Variants in FBXL5 observed in about 807,000 individuals in gnomAD.
FBXL5 encodes F-box and leucine rich repeat protein 5.
A neutral mutation model predicts 78.3 loss-of-function variants in FBXL5; 26 were observed. The ratio of observed to expected loss-of-function variants is 0.33; its 90% CI spans 0.24 to 0.46. The LOEUF (loss-of-function observed/expected upper bound fraction) is 0.46, where lower values mean the gene tolerates loss of function less well. FBXL5 is among the 20% of genes least tolerant of loss of function. The probability of loss-of-function intolerance (pLI) is 1.00; values close to 1 mark genes in which losing one functional copy is unlikely to be tolerated. For synonymous variants in FBXL5, 295 were observed against 282.5 expected (o/e 1.04, Z -0.45); for missense variants, 710 against 829.2 (o/e 0.86, Z 1.77).
chr4:15,679,760 T>TC (rs1329834067), intron 1 of FBXL5, among the ~76,000 whole-genome samples: 2 of 147,620 alleles, frequency 1.4e-5, no homozygotes, highest in African/African-American at 4.9e-5. Context: ...TTCTTTCCAA[T>TC]CCCCCTAAAA....
intron 9 of FBXL5, among the ~76,000 whole-genome samples, chr4:15,614,140 G>C (rs1157740797): frequency 6.6e-6 from 1 of 152,216 alleles, no homozygotes; most frequent in Non-Finnish European, 1.5e-5. Flanking sequence ...TTCCCTTGAT[G>C]TGATGCTCTC....
chr4:15,649,311 G>T (rs1715677835), intron 1 of FBXL5, among the ~76,000 whole-genome samples: 1 of 152,064 alleles, frequency 6.6e-6, no homozygotes, highest in South Asian at 2.1e-4. Context: ...CGGGCACAGT[G>T]GTTCACGCCT....
At chr4:15,628,832 T>G (rs950703251) in intron 6 of FBXL5, among the ~76,000 whole-genome samples, 1 of 151,608 alleles carries the variant, frequency 6.6e-6, no homozygotes, top group Non-Finnish European at 1.5e-5. Flanking sequence ...AGATAAAAAT[T>G]ACTTTAGTGA....
chr4:15,681,515 C>G (rs1371226978), exon 1 of FBXL5: 1 of 159,504 alleles, frequency 6.3e-6, no homozygotes, highest in Admixed American at 6.5e-5. Flanking sequence ...TACATCCGGC[C>G]CGCCCACCAG....
chr4:15,615,651 A>G (rs912140101), intron 9 of FBXL5, among the ~76,000 whole-genome samples: 13 of 149,358 alleles, frequency 8.7e-5, no homozygotes, highest in Admixed American at 2.7e-4. Flanking sequence ...GACACTCTGT[A>G]TCTAGCTGCT....
chr4:15,641,440 A>C lies in FBXL5; in HGVS notation c.301-557T>G, dbSNP rs115383304. 3.7e-3 allele frequency: 1,329 copies of C among 358,064 alleles called. 25 individuals are homozygous for C. Among genetic ancestry groups the C allele is most frequent in the African/African-American group, 0.028 (1,215 of 42,696 alleles). 22.2% of individuals were successfully genotyped at this position (358,064 alleles called of 1,614,324 possible). A position where few individuals can be genotyped will look rare whatever the true frequency, so the allele number is the denominator to read the frequency against. Reference sequence around the variant, plus strand: ...GACAATGAGGATAAAGACATTTATGATGATCCACTTCCACTTAATAAATAG... The same window carrying C: ...GACAATGAGGATAAAGACATTTATGCTGATCCACTTCCACTTAATAAATAG... On this transcript the variant is annotated intron_variant, in intron 2 of 10. Transcript: ENST00000341285.
At position 15,638,396 on chromosome 4, in the gene FBXL5, C is replaced by G. The variant is rs549473861; in HGVS notation, c.583+112G>C. Reference sequence around the variant, plus strand: ...CATGAAAATAATGCCTTTAACTGACCACAGTGCAGGCCTAACTTGAATTAT... The same window carrying G: ...CATGAAAATAATGCCTTTAACTGACGACAGTGCAGGCCTAACTTGAATTAT... On this transcript the variant is annotated intron_variant, in intron 4 of 10. Coordinates refer to ENST00000341285, the MANE Select transcript of FBXL5 (RefSeq NM_012161.4). 16 of 612,244 alleles carry G rather than the reference C, an allele frequency of 2.6e-5. No homozygotes were observed. The East Asian group carries it at 4.4e-4, about 17-fold the overall frequency. The allele number at this position is 612,244 out of a possible 1,614,324, so 37.9% of individuals were successfully genotyped here.
chr4:15,646,831 A>T (rs1234194944), intron 1 of FBXL5, among the ~76,000 whole-genome samples: 1 of 151,854 alleles, frequency 6.6e-6, no homozygotes, highest in East Asian at 1.9e-4. Flanking sequence ...TTTGCTGAGA[A>T]TGATGGTTTC....
chr4:15,649,568 G>C (rs1577477583), intron 1 of FBXL5, among the ~76,000 whole-genome samples: 1 of 106,000 alleles, frequency 9.4e-6, no homozygotes, highest in Admixed American at 1.3e-4. Flanking sequence ...GACAGGGCAA[G>C]ACTACGTCTC....
At chr4:15,667,209 A>T (rs551293140) in intron 1 of FBXL5, among the ~76,000 whole-genome samples, 1 of 152,218 alleles carries the variant, frequency 6.6e-6, no homozygotes, top group South Asian at 2.1e-4. Flanking sequence ...CTTTCACTAA[A>T]CAGCCACATG....
At chr4:15,662,694 A>G (rs1717368423), upstream of FBXL5, among the ~76,000 whole-genome samples, 1 of 152,218 alleles carries the variant, frequency 6.6e-6, no homozygotes, top group African/African-American at 2.4e-5. Flanking sequence ...TTCTAGAGGT[A>G]GTTAAAATTG....
chr4:15,631,693 T>C (rs1560224336), intron 5 of FBXL5, among the ~76,000 whole-genome samples: 2 of 152,218 alleles, frequency 1.3e-5, no homozygotes, highest in East Asian at 1.9e-4. Context: ...TTTTCATGTG[T>C]CTGTTGGCTG....
intron 5 of FBXL5, among the ~76,000 whole-genome samples, chr4:15,635,775 A>AC (rs1180277620): frequency 6.6e-6 from 1 of 151,822 alleles, no homozygotes; most frequent in Non-Finnish European, 1.5e-5. Flanking sequence ...AAAAAAAAAA[A>AC]AAAACTCACC....
intron 1 of FBXL5, among the ~76,000 whole-genome samples, chr4:15,669,936 G>A (rs1300102214): frequency 2.0e-5 from 3 of 152,072 alleles, no homozygotes; most frequent in Non-Finnish European, 4.4e-5. Context: ...ATCACCCTAG[G>A]TACTATATGC....
intron 2 of FBXL5, 32 bp downstream of exon 2, chr4:15,644,461 T>C (rs759733500): frequency 6.4e-7 from 1 of 1,563,748 alleles, no homozygotes; most frequent in South Asian, 1.1e-5. Context: ...GGCACAAGTT[T>C]TGACAGTTGA....
rs1373485743 is a variant in FBXL5 at position 15,655,297 on chromosome 4, C to T, written c.-10G>A. ...CAGGAAAGGGCGCCATCGCCACTGCCTCAGCCTCCGCCTCAGCAGCCGCGG... is the reference window on the plus strand; with the variant it reads ...CAGGAAAGGGCGCCATCGCCACTGCTTCAGCCTCCGCCTCAGCAGCCGCGG... On this transcript the variant is annotated 5_prime_UTR_variant, in exon 1 of 11. Coordinates refer to ENST00000341285, the MANE Select transcript of FBXL5 (RefSeq NM_012161.4). 7.1e-7 allele frequency: 1 copy of T among 1,407,902 alleles called. No individual in the cohort carries two copies. Among genetic ancestry groups the T allele is most frequent in the Non-Finnish European group, 9.4e-7 (1 of 1,058,348 alleles). 87.2% of individuals were successfully genotyped at this position (1,407,902 alleles called of 1,614,324 possible).
At chr4:15,651,078 A>C (rs1307784533) in intron 1 of FBXL5, among the ~76,000 whole-genome samples, 2 of 152,210 alleles carry the variant, frequency 1.3e-5, no homozygotes, top group Non-Finnish European at 2.9e-5. Flanking sequence ...AAAAACACAT[A>C]TATTATTCCC....
Position 15,626,933 on chromosome 4 carries a change from C to T in FBXL5, c.1064G>A (p.Cys355Tyr). 6.2e-7 allele frequency: 1 copy of T among 1,611,098 alleles called. No homozygotes were observed. The highest frequency in any genetic ancestry group is 8.5e-7 in the Non-Finnish European group (1 of 1,178,606). Reference protein sequence around the residue: ...SKMVRQILELCPNLEHLDLTQ... With the variant: ...SKMVRQILELYPNLEHLDLTQ... ...AAGATCCAGATGCTCCAGGTTAGGA[C>T]AAAGCTCTAAAATCTGCCTAACCTA... The change falls in exon 8 of 11, where the codon TGT becomes TAT. Residue 355 changes from cysteine (C) to tyrosine (Y), a missense_variant. Physicochemically the swap from Cys to Tyr is radical, Grantham distance 194. Coordinates refer to ENST00000341285, the MANE Select transcript of FBXL5 (RefSeq NM_012161.4).
chr4:15,609,960 C>T (rs1285815569), intron 10 of FBXL5, among the ~76,000 whole-genome samples: 1 of 151,944 alleles, frequency 6.6e-6, no homozygotes, highest in Non-Finnish European at 1.5e-5. Flanking sequence ...CATTTAGTAA[C>T]CTGATAGTTA....
Sources: gnomAD v4.1 joint callset for allele counts (sites outside exome capture counted in the v4.1 genomes callset) on GRCh38, gnomAD v4.1.1 for gene constraint, MANE v1.5 for transcripts, NCBI Gene and HGNC (gene_info 2026-07-23, HGNC 2026-07-21) for gene names.